The following DNAH17 variants were observed in gnomAD, a reference collection of about 807,000 sequenced individuals.
The protein encoded by DNAH17 is dynein axonemal heavy chain 17.
A neutral mutation model predicts 485.6 loss-of-function variants in DNAH17; 376 were observed. The observed-to-expected ratio is 0.77, with a 90% CI of 0.71 to 0.84. The LOEUF (loss-of-function observed/expected upper bound fraction) is 0.84. Ranked by LOEUF, DNAH17 falls within the 40% of genes least tolerant of loss-of-function variation. DNAH17 has a pLI of 0.00. For missense variants in DNAH17, 6,370 were observed against 5,839.3 expected (o/e 1.09, Z -2.96); for synonymous variants, 3,031 against 2,405.9 (o/e 1.26, Z -7.60).
At chr17:78,477,005 G>A (rs368258868) in intron 51 of DNAH17, among the ~76,000 whole-genome samples, 66 of 152,330 alleles carry the variant, frequency 4.3e-4, no homozygotes, top group African/African-American at 1.4e-3. Context: ...AATGGTGGAG[G>A]AGGGACAAGG....
chr17:78,490,861 A>C lies in DNAH17; in HGVS notation c.6670-14T>G. On this transcript the variant is annotated splice_polypyrimidine_tract_variant and intron_variant, in intron 43 of 80. Transcript: ENST00000389840. ...CAGGGTGAGGACCTAGGAGGGGGAC[A>C]GCAGCCCGTGGGGTCCTAAGGCGAC... 6.3e-7 allele frequency: 1 copy of C among 1,585,154 alleles called. No individual in the cohort carries two copies. Among genetic ancestry groups the C allele is most frequent in the Non-Finnish European group, 8.6e-7 (1 of 1,164,024 alleles).
Position 78,523,097 on chromosome 17 carries a change from C to A in DNAH17, c.3864+1912G>T, listed in dbSNP as rs147127334. 6.4e-3 allele frequency among the ~76,000 whole-genome samples: 969 copies of A among 152,310 alleles called. 13 individuals carry two copies. The highest frequency in any genetic ancestry group is 0.022 in the African/African-American group (934 of 41,566). ...TCTTGAACTCCTGAACTCAAGTGAT[C>A]CACCTGCCTCGGCCTCCCAAAGTGC... On this transcript the variant is annotated intron_variant, in intron 25 of 80. Coordinates refer to ENST00000389840, the MANE Select transcript of DNAH17 (RefSeq NM_173628.4).
intron 54 of DNAH17, among the ~76,000 whole-genome samples, chr17:78,474,320 T>C (rs1001941056): frequency 5.3e-5 from 8 of 152,220 alleles, no homozygotes; most frequent in Non-Finnish European, 7.3e-5. Flanking sequence ...GCCCAATCGA[T>C]TTCAGGTCTA....
intron 11 of DNAH17, among the ~76,000 whole-genome samples, chr17:78,565,510 T>C (rs2092249014): frequency 6.6e-6 from 1 of 152,228 alleles, no homozygotes; most frequent in Admixed American, 6.5e-5. Context: ...TCCTGAAAGA[T>C]GACCACCAGC....
At chr17:78,465,026 G>A (rs1011818071) in intron 56 of DNAH17, among the ~76,000 whole-genome samples, 3 of 152,180 alleles carry the variant, frequency 2.0e-5, no homozygotes, top group Non-Finnish European at 2.9e-5. Flanking sequence ...ATCTCGGCTC[G>A]CTGCAGCCTC....
intron 54 of DNAH17, among the ~76,000 whole-genome samples, chr17:78,469,343 A>G (rs889226456): frequency 1.3e-5 from 2 of 152,106 alleles, no homozygotes; most frequent in Non-Finnish European, 2.9e-5. Context: ...GGGTTTCACT[A>G]TGTTAGCCAG....
chr17:78,534,050 C>T (rs996827522), intron 19 of DNAH17, among the ~76,000 whole-genome samples: 1 of 152,186 alleles, frequency 6.6e-6, no homozygotes, highest in Admixed American at 6.5e-5. Flanking sequence ...CCGGCCTTTC[C>T]CAGGGCTAGG....
intron 69 of DNAH17, among the ~76,000 whole-genome samples, chr17:78,446,017 C>CA (rs2082068975): frequency 1.3e-5 from 2 of 151,314 alleles, no homozygotes; most frequent in South Asian, 4.2e-4. Flanking sequence ...ACTAAAAATA[C>CA]AAAAAAATTA....
In DNAH17 at chr17:78,484,095, C is replaced by CAAAAA. The variant is rs11290299; in HGVS notation, c.7649+768_7649+772dup. Among the ~76,000 whole-genome samples, 207 of 38,416 alleles carry CAAAAA rather than the reference C, an allele frequency of 5.4e-3. 13 individuals are homozygous for CAAAAA. The highest frequency in any genetic ancestry group is 0.023 in the African/African-American group (195 of 8,652). 25.2% of individuals were successfully genotyped at this position (38,416 alleles called of 152,430 possible). On this transcript the variant is annotated intron_variant, in intron 48 of 80. Coordinates refer to ENST00000389840, the MANE Select transcript of DNAH17 (RefSeq NM_173628.4). ...TGAGAGACAGAGCGAGATTTCTCCT[C>CAAAAA]AAAAAAAAAAAAAAAAAAAAAAAAA...
chr17:78,471,153 C>A (rs1159992065), intron 54 of DNAH17, among the ~76,000 whole-genome samples: 1 of 152,196 alleles, frequency 6.6e-6, no homozygotes, highest in African/African-American at 2.4e-5. Flanking sequence ...CATATAGGCA[C>A]CCCAGTGGCT....
intron 54 of DNAH17, among the ~76,000 whole-genome samples, chr17:78,471,502 A>C (rs1423778373): frequency 6.6e-6 from 1 of 152,146 alleles, no homozygotes; most frequent in African/African-American, 2.4e-5. Context: ...ACCATACCAG[A>C]AATCTTTTCC....
At chr17:78,424,203 G>A in intron 80 of DNAH17, 50 bp from the exon 81 acceptor site, 1 of 1,563,778 alleles carries the variant, frequency 6.4e-7, no homozygotes, top group Non-Finnish European at 8.6e-7. Flanking sequence ...GTAAGTGAGG[G>A]AGGGGCTGGC....
In DNAH17 at chr17:78,506,788, G is replaced by T. The variant is rs757797725; in HGVS notation, c.4735C>A (p.Pro1579Thr). Residue 1579 changes from proline (P) to threonine (T), a missense_variant, in exon 30 of 81, where the codon CCC (proline) becomes ACC (threonine). By Grantham distance (38) the Pro-to-Thr change is conservative. Transcript: ENST00000389840. ...EYLETKRLAF[P>T]RFYFVSSADL... ...GCCGAGGAGACAAAATAGAACCGGG[G>T]GAAAGCCAGTCTTTTCGTCTCTAAA... The T allele has an allele frequency of 4.1e-5, 66 of 1,613,860 alleles. No individual in the cohort carries two copies. Among genetic ancestry groups the T allele is most frequent in the Non-Finnish European group, 5.3e-5 (62 of 1,179,896 alleles).
intron 11 of DNAH17, among the ~76,000 whole-genome samples, chr17:78,563,679 GATC>G (rs2092207426): frequency 6.6e-6 from 1 of 152,100 alleles, no homozygotes; most frequent in Admixed American, 6.5e-5. Flanking sequence ...GCCAAAAGGA[GATC>G]ATGTGGAAAA....
At chr17:78,428,850 G>A (rs2146416777) in intron 76 of DNAH17, 143 bp from the exon 77 acceptor site, 3 of 1,075,914 alleles carry the variant, frequency 2.8e-6, no homozygotes, top group Non-Finnish European at 4.1e-6. Context: ...CCCCCTTTGT[G>A]GGCTGCCCCC....
intron 48 of DNAH17, 59 bp downstream of exon 48, chr17:78,484,809 T>TGGCCCCGCCCTCACCGCCCC (rs1406289113): frequency 8.7e-7 from 1 of 1,154,452 alleles, no homozygotes; most frequent in Non-Finnish European, 1.1e-6. Flanking sequence ...CGCCCCGCCC[T>TGGCCCCGCCCTCACCGCCCC]GGCCCCGCCC....
chr17:78,567,577 G>A (rs545424678), intron 9 of DNAH17, among the ~76,000 whole-genome samples: 8 of 152,234 alleles, frequency 5.3e-5, no homozygotes, highest in African/African-American at 1.9e-4. Context: ...TAAATTCCCC[G>A]CTACCTGGAA....
At chr17:78,424,349 G>C (rs972080782) in intron 80 of DNAH17, 196 bp from the exon 81 acceptor site, 3 of 617,178 alleles carry the variant, frequency 4.9e-6, no homozygotes, top group African/African-American at 1.8e-5. Flanking sequence ...ACCCCGTCCC[G>C]CTGGGCTCAA....
Position 78,537,493 on chromosome 17 carries a change from G to A in DNAH17, c.2677-12C>T, listed in dbSNP as rs746484666. 1 of 1,612,570 alleles carries A rather than the reference G, an allele frequency of 6.2e-7. No individual in the cohort carries two copies. The highest frequency in any genetic ancestry group is 8.5e-7 in the Non-Finnish European group (1 of 1,179,550). ...GGAGCGATACTCTCCTGAAAGAGGG[G>A]TGGGGTTGGCAGTGGTCAACACCTC... On this transcript the variant is annotated splice_polypyrimidine_tract_variant and intron_variant, in intron 18 of 80. Coordinates refer to ENST00000389840, the MANE Select transcript of DNAH17 (RefSeq NM_173628.4).
Sources: gnomAD v4.1 joint callset for allele counts (sites outside exome capture counted in the v4.1 genomes callset) on GRCh38, gnomAD v4.1.1 for gene constraint, MANE v1.5 for transcripts, NCBI Gene and HGNC (gene_info 2026-07-23, HGNC 2026-07-21) for gene names.